NEURL4: variants seen among roughly 807,000 people sequenced by gnomAD.
The protein encoded by NEURL4 is neuralized E3 ubiquitin protein ligase 4.
Under a neutral mutation model 148.0 loss-of-function variants are expected in NEURL4, and 45 were observed. The ratio of observed to expected loss-of-function variants is 0.30; its 90% CI spans 0.24 to 0.39. The LOEUF (loss-of-function observed/expected upper bound fraction) is 0.39, where lower values mean the gene tolerates loss of function less well. Ranked by LOEUF, NEURL4 falls within the 10% of genes least tolerant of loss-of-function variation. NEURL4 has a pLI of 1.00. For missense variants in NEURL4, 1,776 were observed against 2,144.0 expected, an observed-to-expected ratio of 0.83 and a Z score of 3.39; for synonymous variants, 854 against 869.0, an observed-to-expected ratio of 0.98 and a Z score of 0.30.
At position 7,322,567 on chromosome 17, in the gene NEURL4, T is replaced by G. The variant is rs1023835871; in HGVS notation, c.2725+168A>C. Among the ~76,000 whole-genome samples, 3 of 152,076 alleles carry G rather than the reference T, an allele frequency of 2.0e-5. No homozygotes were observed. The highest frequency in any genetic ancestry group is 4.4e-5 in the Non-Finnish European group (3 of 67,988). ...AAGTGTCCAGGCTCTAAGTACCAGG[T>G]GTAACCTCCCCCTCACTGGCTGCTT... On this transcript the variant is annotated intron_variant, in intron 16 of 28. Coordinates refer to ENST00000399464, the MANE Select transcript of NEURL4 (RefSeq NM_032442.3). This position sits in a 1 kb window ranked among gnomAD's most constrained non-coding sequence, Gnocchi z 5.5.
In NEURL4 at chr17:7,329,316, C is replaced by T. The variant is rs1023211897; in HGVS notation, c.-4G>A. ...TCCCACCCGACCCTGCCGCCATCTC[C>T]GCTGACACCGGGGCAGCGCGACAGC... On this transcript the variant is annotated 5_prime_UTR_variant, in exon 1 of 29. Coordinates refer to ENST00000399464, the MANE Select transcript of NEURL4 (RefSeq NM_032442.3). 1 of 1,389,398 alleles carries T rather than the reference C, an allele frequency of 7.2e-7. No homozygotes were observed. Among genetic ancestry groups the T allele is most frequent in the Admixed American group, 3.6e-5 (1 of 28,054 alleles). 86.1% of individuals were successfully genotyped at this position (1,389,398 alleles called of 1,614,324 possible). A position where few individuals can be genotyped will look rare whatever the true frequency, so the allele number is the denominator to read the frequency against.
chr17:7,322,245 C>T lies in NEURL4; in HGVS notation c.2726-235G>A, dbSNP rs1162525293. Among the ~76,000 whole-genome samples, 1 of 152,270 alleles carries T rather than the reference C, an allele frequency of 6.6e-6. No individual in the cohort carries two copies. Among genetic ancestry groups the T allele is most frequent in the Middle Eastern group, 3.4e-3 (1 of 294 alleles). ...CAGTCGTGGCTCACTGCAGCCTCGACTTCCTGGGATCCAGCTATCCTCCCA... is the reference window on the plus strand; with the variant it reads ...CAGTCGTGGCTCACTGCAGCCTCGATTTCCTGGGATCCAGCTATCCTCCCA... On this transcript the variant is annotated intron_variant, in intron 16 of 28. Coordinates refer to ENST00000399464, the MANE Select transcript of NEURL4 (RefSeq NM_032442.3). The surrounding 1 kb of genome is among the most constrained non-coding windows in gnomAD (Gnocchi z 5.5).
rs968305497 is a variant in NEURL4 at position 7,324,837 on chromosome 17, T to G, written c.1775A>C (p.Tyr592Ser). The change falls in exon 9 of 29, where the codon TAC (tyrosine) becomes TCC (serine). Residue 592 changes from tyrosine (Y) to serine (S), a missense_variant. By Grantham distance (144) the Tyr-to-Ser change is moderately radical (BLOSUM62 -2). Coordinates refer to ENST00000399464, the MANE Select transcript of NEURL4 (RefSeq NM_032442.3). This position sits in a 1 kb window ranked among gnomAD's most constrained non-coding sequence, Gnocchi z 5.9. ...EIGVTTHNPA[Y>S]LQLPSTMTNL... is the part of the protein sequence containing the mutation. ...GGTCATGGTGGAGGGCAACTGGAGG[T>G]AGGCAGGGTTGTGGGTGGTGACACC... is the stretch of plus-strand genomic sequence containing the variant. The G allele has an allele frequency of 6.2e-7, 1 of 1,613,902 alleles. No individual in the cohort carries two copies. The highest frequency in any genetic ancestry group is 8.5e-7 in the Non-Finnish European group (1 of 1,179,998).
At position 7,324,368 on chromosome 17, in the gene NEURL4, C is replaced by T. The variant is rs1241808027; in HGVS notation, c.1899+27G>A. 24 of 1,614,052 alleles carry T rather than the reference C, an allele frequency of 1.5e-5. No individual in the cohort carries two copies. Among genetic ancestry groups the T allele is most frequent in the East Asian group, 8.9e-5 (4 of 44,876 alleles). ...CGGTGTTTGTGATGCCCGCTGCGGC[C>T]GCCAGGCGGCGCACCCACTTTCCCA... On this transcript the variant is annotated intron_variant, in intron 10 of 28. Coordinates refer to ENST00000399464, the MANE Select transcript of NEURL4 (RefSeq NM_032442.3). This position sits in a 1 kb window ranked among gnomAD's most constrained non-coding sequence, Gnocchi z 5.9.
At chr17:7,319,699 T>TCAAAAA (rs2073002726) in intron 21 of NEURL4, among the ~76,000 whole-genome samples, 2 of 75,962 alleles carry the variant, frequency 2.6e-5, no homozygotes, top group Non-Finnish European at 3.4e-5. Context: ...AAACTCCGTC[T>TCAAAAA]CAAAAAAAAC....
In NEURL4 at chr17:7,318,122, T is replaced by TTAGAGGAC; in HGVS notation, c.3995_4002dup (p.Lys1335ValfsTer3). On this transcript the variant is annotated frameshift_variant, in exon 25 of 29. Transcript: ENST00000399464. LOFTEE classifies it high-confidence loss of function. The surrounding 1 kb of genome is among the most constrained non-coding windows in gnomAD (Gnocchi z 4.3). ...CAAAGGGCATGGTACTCGCAGCTCT[T>TTAGAGGAC]TAGAGGACTAGCGGCAGGTGGTGGA... 6.2e-7 allele frequency: 1 copy of TTAGAGGAC among 1,614,144 alleles called. No individual in the cohort carries two copies. The highest frequency in any genetic ancestry group is 1.7e-5 in the Admixed American group (1 of 60,024).
chr17:7,317,431 C>G (rs1300248426), intron 27 of NEURL4, 30 bp downstream of exon 27: 1 of 1,613,288 alleles, frequency 6.2e-7, no homozygotes, highest in East Asian at 2.2e-5. Context: ...CCAGGCTCAG[C>G]CCACCTTGCA....
chr17:7,327,225 T>C lies in NEURL4; in HGVS notation c.733A>G (p.Met245Val), dbSNP rs1243516307. 1.2e-6 allele frequency: 2 copies of C among 1,609,902 alleles called. No individual in the cohort carries two copies. The highest frequency in any genetic ancestry group is 1.1e-5 in the South Asian group (1 of 90,772). The change falls in exon 3 of 29, where the codon ATG becomes GTG. Residue 245 changes from methionine to valine, a missense_variant. Coordinates refer to ENST00000399464, the MANE Select transcript of NEURL4 (RefSeq NM_032442.3). This position sits in a 1 kb window ranked among gnomAD's most constrained non-coding sequence, Gnocchi z 6.6. ...GGCCGGGCCTGCGCTGGGGACACCA[T>C]GAAGGCTGGGGACCAGGTGGGATGG... Reference protein sequence around the residue: ...EQGTSADEAFMVSPAQARPET... With the variant: ...EQGTSADEAFVVSPAQARPET...
At chr17:7,319,754 A>C (rs2073005520) in intron 21 of NEURL4, among the ~76,000 whole-genome samples, 1 of 150,774 alleles carries the variant, frequency 6.6e-6, no homozygotes, top group African/African-American at 2.4e-5. Context: ...TTGAGCCTTG[A>C]CCTTGCTGTT....
chr17:7,318,030 G>A lies in NEURL4; in HGVS notation c.4060+35C>T, dbSNP rs767405463. ...TCCAAGGCTCTAGGCCTGGCCCTGGGAATGAAGTCAGTTCTGGCGGACTGT... is the reference window on the plus strand; with the variant it reads ...TCCAAGGCTCTAGGCCTGGCCCTGGAAATGAAGTCAGTTCTGGCGGACTGT... On this transcript the variant is annotated intron_variant, in intron 25 of 28. Transcript: ENST00000399464. The surrounding 1 kb of genome is among the most constrained non-coding windows in gnomAD (Gnocchi z 4.3). 19 of 1,613,862 alleles carry A rather than the reference G, an allele frequency of 1.2e-5. No homozygotes were observed. The highest frequency in any genetic ancestry group is 1.6e-5 in the Non-Finnish European group (19 of 1,179,706).
chr17:7,327,854 C>G lies in NEURL4; in HGVS notation c.313G>C (p.Gly105Arg). The G allele has an allele frequency of 6.2e-7, 1 of 1,612,754 alleles. No homozygotes were observed. Among genetic ancestry groups the G allele is most frequent in the South Asian group, 1.1e-5 (1 of 91,052 alleles). ...VNSWSGSIEI[G>R]VTALDPSVLD... ...ACACTGGGGTCCAGCGCTGTCACCC[C>G]AATCTCAATGGAGCCGCTCCAGGAG... is the stretch of plus-strand genomic sequence containing the variant. Residue 105 changes from glycine to arginine, a missense_variant, in exon 2 of 29, where the codon GGG (glycine) becomes CGG (arginine). By Grantham distance (125) the Gly-to-Arg change is moderately radical. Coordinates refer to ENST00000399464, the MANE Select transcript of NEURL4 (RefSeq NM_032442.3). This position sits in a 1 kb window ranked among gnomAD's most constrained non-coding sequence, Gnocchi z 6.6.
At position 7,326,682 on chromosome 17, in the gene NEURL4, C is replaced by T. The variant is rs376931650; in HGVS notation, c.1092+29G>A. The T allele has an allele frequency of 8.9e-5, 143 of 1,606,376 alleles. No individual in the cohort carries two copies. The highest frequency in any genetic ancestry group is 2.4e-4 in the African/African-American group (18 of 74,392). On this transcript the variant is annotated intron_variant, in intron 4 of 28. Coordinates refer to ENST00000399464, the MANE Select transcript of NEURL4 (RefSeq NM_032442.3). The surrounding 1 kb of genome is among the most constrained non-coding windows in gnomAD (Gnocchi z 6.0). ...CCATCTTTAGCTCCCAGGGATAAGGCGCCAACCAGACCACAGGACTTTGCA... is the reference window on the plus strand; with the variant it reads ...CCATCTTTAGCTCCCAGGGATAAGGTGCCAACCAGACCACAGGACTTTGCA...
Position 7,318,973 on chromosome 17 carries a change from G to A in NEURL4, c.3684+77C>T. The A allele has an allele frequency of 1.4e-6, 2 of 1,479,268 alleles. No individual in the cohort carries two copies. Among genetic ancestry groups the A allele is most frequent in the Non-Finnish European group, 1.8e-6 (2 of 1,098,062 alleles). 91.6% of individuals were successfully genotyped at this position (1,479,268 alleles called of 1,614,324 possible). On this transcript the variant is annotated intron_variant, in intron 22 of 28. Transcript: ENST00000399464. The surrounding 1 kb of genome is among the most constrained non-coding windows in gnomAD (Gnocchi z 4.3). The stretch of plus-strand genomic sequence containing the variant: ...CTGTGGTCCTACCTCCAAGGCTAGG[G>A]GCCCACTTCTCCCTTCTGGCCAGCC...
At position 7,320,758 on chromosome 17, in the gene NEURL4, C is replaced by A; in HGVS notation, c.3525+1G>T. ...GCTGGGGATAGGGAGGGAGAACCCA[C>A]CTGCACCAGCAGCTGGGGCACCAGA... is the stretch of plus-strand genomic sequence containing the variant. On this transcript the variant is annotated splice_donor_variant, in intron 21 of 28. Coordinates refer to ENST00000399464, the MANE Select transcript of NEURL4 (RefSeq NM_032442.3). LOFTEE classifies it high-confidence loss of function. The A allele has an allele frequency of 6.2e-7, 1 of 1,612,666 alleles. No homozygotes were observed. Among genetic ancestry groups the A allele is most frequent in the Non-Finnish European group, 8.5e-7 (1 of 1,179,098 alleles).
At position 7,326,419 on chromosome 17, in the gene NEURL4, C is replaced by T; in HGVS notation, c.1204+18G>A. On this transcript the variant is annotated intron_variant, in intron 5 of 28. Transcript: ENST00000399464. This position sits in a 1 kb window ranked among gnomAD's most constrained non-coding sequence, Gnocchi z 6.0. The stretch of plus-strand genomic sequence containing the variant: ...GCAACACCAGGCCTGCACCCCCGCC[C>T]CTGCCCGGGGCTGGTACCTGACTGG... The T allele has an allele frequency of 1.2e-6, 2 of 1,613,942 alleles. No homozygotes were observed. Among genetic ancestry groups the T allele is most frequent in the African/African-American group, 1.3e-5 (1 of 75,030 alleles).
chr17:7,316,608 T>C (rs1397463810), intron 28 of NEURL4, among the ~76,000 whole-genome samples: 3 of 152,300 alleles, frequency 2.0e-5, no homozygotes, highest in East Asian at 1.9e-4. Context: ...TCTGTTTCCA[T>C]AGTCCTTACT....
In NEURL4 at chr17:7,322,486, C is replaced by T. The variant is rs934947534; in HGVS notation, c.2725+249G>A. On this transcript the variant is annotated intron_variant, in intron 16 of 28. Transcript: ENST00000399464. The surrounding 1 kb of genome is among the most constrained non-coding windows in gnomAD (Gnocchi z 5.5). ...ATACCTCTTTTCACCACAGCAAGGC[C>T]CATTTCCAAACCTGGCATGCTCAGC... Among the ~76,000 whole-genome samples, 6 of 152,138 alleles carry T rather than the reference C, an allele frequency of 3.9e-5. No individual in the cohort carries two copies. Among genetic ancestry groups the T allele is most frequent in the Non-Finnish European group, 8.8e-5 (6 of 68,012 alleles).
intron 21 of NEURL4, among the ~76,000 whole-genome samples, chr17:7,320,352 C>T (rs111791258): frequency 0.027 from 4,057 of 152,048 alleles, 185 homozygotes; most frequent in African/African-American, 0.094. Flanking sequence ...CTAGGCTGGT[C>T]GCGAACTCGT....
In NEURL4 at chr17:7,318,647, C is replaced by T; in HGVS notation, c.3712G>A (p.Asp1238Asn). 6.2e-7 allele frequency: 1 copy of T among 1,611,376 alleles called. No homozygotes were observed. Among genetic ancestry groups the T allele is most frequent in the Non-Finnish European group, 8.5e-7 (1 of 1,178,698 alleles). The change falls in exon 23 of 29, where the codon GAC (aspartate) becomes AAC (asparagine). Residue 1238 changes from aspartate to asparagine, a missense_variant. Asp to Asn is a conservative substitution (Grantham distance 23). Coordinates refer to ENST00000399464, the MANE Select transcript of NEURL4 (RefSeq NM_032442.3). The surrounding 1 kb of genome is among the most constrained non-coding windows in gnomAD (Gnocchi z 4.3). The part of the protein sequence containing the change: ...KICEKFGPNL[D>N]TCPEGTILGL... ...AGGATGGTGCCTTCAGGGCACGTGT[C>T]CAGATTGGGCCCAAACTTCTCGCAG...
Sources: gnomAD v4.1 joint callset for allele counts (sites outside exome capture counted in the v4.1 genomes callset) on GRCh38, gnomAD v4.1.1 for gene constraint, Gnocchi (gnomAD v3.1) non-coding constraint, MANE v1.5 for transcripts, NCBI Gene and HGNC (gene_info 2026-07-23, HGNC 2026-07-21) for gene names.